The following OR1J2 variants were observed in gnomAD, a reference collection of about 807,000 sequenced individuals.
The protein encoded by OR1J2 is olfactory receptor family 1 subfamily J member 2.
For synonymous variants in OR1J2, 142 were observed against 99.7 expected (o/e 1.42, Z -2.52); for missense variants, 304 against 246.1 (o/e 1.24, Z -1.57).
the OR1J2 span, chr9:122,519,084 G>T: frequency 4.1e-6 from 5 of 1,212,466 alleles, no homozygotes; most frequent in Admixed American, 1.0e-4. Context: ...ATCAACATTT[G>T]TTTGTTTCTG....
At chr9:122,553,694 G>A in the OR1J2 span, 2 of 1,614,044 alleles carry the variant, frequency 1.2e-6, no homozygotes, top group South Asian at 2.2e-5. Context: ...CTGCCCTGAT[G>A]CACACACTGT....
the OR1J2 span, among the ~76,000 whole-genome samples, chr9:122,468,283 G>T: frequency 6.6e-6 from 1 of 152,178 alleles, no homozygotes; most frequent in Non-Finnish European, 1.5e-5. Context: ...AACCAGAACA[G>T]ATTCAAGGCA....
chr9:122,556,241 A>G, the OR1J2 span, among the ~76,000 whole-genome samples: 2 of 149,172 alleles, frequency 1.3e-5, no homozygotes, highest in Non-Finnish European at 3.0e-5. Context: ...ATTTCATTGT[A>G]TGCAATATTC....
downstream of OR1J2, among the ~76,000 whole-genome samples, chr9:122,516,542 A>T (rs916933929): frequency 1.3e-5 from 2 of 151,982 alleles, no homozygotes; most frequent in African/African-American, 4.8e-5. Flanking sequence ...TGACCTCGTG[A>T]TCCGCCCGCC....
At chr9:122,510,752 GC>G (rs539821684), upstream of OR1J2, 678 of 1,027,356 alleles carry the variant, frequency 6.6e-4, no homozygotes, top group Non-Finnish European at 7.9e-4. Flanking sequence ...TAATTTCAGA[GC>G]CTCTAATATT....
downstream of OR1J2, among the ~76,000 whole-genome samples, chr9:122,515,044 A>G (rs1275704268): frequency 1.3e-5 from 2 of 152,162 alleles, no homozygotes; most frequent in Non-Finnish European, 2.9e-5. Flanking sequence ...AAACTGAGCA[A>G]TTAATGCATG....
At chr9:122,553,350 C>T in the OR1J2 span, 1 of 1,614,002 alleles carries the variant, frequency 6.2e-7, no homozygotes, top group African/African-American at 1.3e-5. Context: ...GGGGAACCTG[C>T]TCATTATCCT....
chr9:122,474,535 GA>G, the OR1J2 span, among the ~76,000 whole-genome samples: 1 of 152,190 alleles, frequency 6.6e-6, no homozygotes, highest in Non-Finnish European at 1.5e-5. Flanking sequence ...ATTATCAAAA[GA>G]GGGAAATGTG....
At chr9:122,454,676 A>G in the OR1J2 span, among the ~76,000 whole-genome samples, 2 of 152,184 alleles carry the variant, frequency 1.3e-5, no homozygotes, top group African/African-American at 4.8e-5. Flanking sequence ...AGCTTTCCAG[A>G]ACTGCTTCTT....
At chr9:122,574,653 C>A in the OR1J2 span, among the ~76,000 whole-genome samples, 1 of 152,076 alleles carries the variant, frequency 6.6e-6, no homozygotes, top group African/African-American at 2.4e-5. Flanking sequence ...AGTTTCATTT[C>A]TTTCCTTCAA....
chr9:122,540,866 C>G, the OR1J2 span, among the ~76,000 whole-genome samples: 6 of 152,212 alleles, frequency 3.9e-5, no homozygotes, highest in East Asian at 3.9e-4. Flanking sequence ...GTATTTTATT[C>G]TCTTTGAAGC....
chr9:122,509,487 A>G (rs1828591505), upstream of OR1J2, among the ~76,000 whole-genome samples: 1 of 152,252 alleles, frequency 6.6e-6, no homozygotes, highest in Non-Finnish European at 1.5e-5. Flanking sequence ...TTGTGTTGAC[A>G]GTAAACAATA....
chr9:122,526,045 A>G, the OR1J2 span, among the ~76,000 whole-genome samples: 1 of 152,212 alleles, frequency 6.6e-6, no homozygotes, highest in South Asian at 2.1e-4. Flanking sequence ...CTCAGAGAAA[A>G]GATTTTTTGA....
At chr9:122,549,510 C>G in the OR1J2 span, among the ~76,000 whole-genome samples, 1 of 152,170 alleles carries the variant, frequency 6.6e-6, no homozygotes, top group African/African-American at 2.4e-5. Flanking sequence ...ACAGTTAAGT[C>G]TTTAATCCAT....
the OR1J2 span, chr9:122,572,913 T>C: frequency 6.6e-6 from 1 of 152,354 alleles, no homozygotes; most frequent in East Asian, 1.9e-4. Flanking sequence ...TCTGGACTAA[T>C]TAGCAAGGAG....
chr9:122,538,227 A>G, the OR1J2 span, among the ~76,000 whole-genome samples: 2 of 151,468 alleles, frequency 1.3e-5, no homozygotes, highest in Non-Finnish European at 2.9e-5. Context: ...AAATAATTCA[A>G]CCGAGGACCC....
chr9:122,559,911 C>G, the OR1J2 span, among the ~76,000 whole-genome samples: 1 of 152,148 alleles, frequency 6.6e-6, no homozygotes, highest in Admixed American at 6.5e-5. Flanking sequence ...ATTGATCAGT[C>G]TAATATTGAC....
the OR1J2 span, among the ~76,000 whole-genome samples, chr9:122,453,028 CAAAAAAAAAA>C: frequency 3.2e-5 from 3 of 93,462 alleles, no homozygotes; most frequent in Non-Finnish European, 4.4e-5. Flanking sequence ...AGCTTCGTCT[CAAAAAAAAAA>C]AAAAAAAAAA....
At chr9:122,452,863 T>C in the OR1J2 span, among the ~76,000 whole-genome samples, 1 of 151,006 alleles carries the variant, frequency 6.6e-6, no homozygotes, top group Non-Finnish European at 1.5e-5. Context: ...ACCCCATCTC[T>C]ACTAAAAATA....
Sources: gnomAD v4.1 joint callset for allele counts (sites outside exome capture counted in the v4.1 genomes callset) on GRCh38, gnomAD v4.1.1 for gene constraint, MANE v1.5 for transcripts, NCBI Gene and HGNC (gene_info 2026-07-23, HGNC 2026-07-21) for gene names.